The following CLEC4D variants were observed in gnomAD, a reference collection of about 807,000 sequenced individuals.
CLEC4D encodes the protein C-type (calcium dependent, carbohydrate-recognition domain) lectin, superfamily member 8.
In CLEC4D, 21 loss-of-function variants were observed where a neutral mutation model predicts 21.1. That is an observed-to-expected ratio of 1.00 (90% confidence interval 0.71 to 1.43). CLEC4D has a LOEUF of 1.43. CLEC4D is among the 40% of genes most tolerant of loss of function. The probability of loss-of-function intolerance (pLI) is 0.00; values close to 1 mark genes in which losing one functional copy is unlikely to be tolerated. For missense variants in CLEC4D, 289 were observed against 260.7 expected (o/e 1.11, Z -0.75); for synonymous variants, 85 against 83.1 (o/e 1.02, Z -0.12).
At chr12:8,529,982 A>G in the CLEC4D span, among the ~76,000 whole-genome samples, 5 of 152,354 alleles carry the variant, frequency 3.3e-5, no homozygotes, top group African/African-American at 1.2e-4. Flanking sequence ...AGAAGTGGGC[A>G]GGAAACAGCT....
rs767169681 is a variant in CLEC4D at position 8,521,293 on chromosome 12, T to C, written c.*22T>C. The C allele has an allele frequency of 1.3e-6, 2 of 1,591,910 alleles. No homozygotes were observed. Among genetic ancestry groups the C allele is most frequent in the East Asian group, 4.5e-5 (2 of 44,698 alleles). ...CTAGAAACTCAGAAAGTGGTCCTTG[T>C]GATGGAAAGAGAAAAGAAAAACCAA... is the stretch of plus-strand genomic sequence containing the variant. On this transcript the variant is annotated 3_prime_UTR_variant, in exon 6 of 6. Coordinates refer to ENST00000299665, the MANE Select transcript of CLEC4D (RefSeq NM_080387.5).
At chr12:8,515,697 T>G (rs920050970) in intron 2 of CLEC4D, among the ~76,000 whole-genome samples, 2 of 152,120 alleles carry the variant, frequency 1.3e-5, no homozygotes, top group African/African-American at 4.8e-5. Context: ...TTGGAAGAAT[T>G]GTTCTCTCTC....
intron 1 of CLEC4D, among the ~76,000 whole-genome samples, chr12:8,514,710 G>A (rs1027108155): frequency 6.6e-6 from 1 of 152,200 alleles, no homozygotes; most frequent in African/African-American, 2.4e-5. Flanking sequence ...AATCTGATGT[G>A]TGAAAAGTTA....
At chr12:8,529,127 A>G in the CLEC4D span, among the ~76,000 whole-genome samples, 1 of 152,308 alleles carries the variant, frequency 6.6e-6, no homozygotes, top group African/African-American at 2.4e-5. Flanking sequence ...AACACTTAGC[A>G]AAGTAATGGC....
Position 8,521,524 on chromosome 12 carries a change from A to G in CLEC4D, c.*253A>G. On this transcript the variant is annotated 3_prime_UTR_variant, in exon 6 of 6. Coordinates refer to ENST00000299665, the MANE Select transcript of CLEC4D (RefSeq NM_080387.5). ...AATCTTTCTTTGCTTTCTTAGTAGT[A>G]TTTCAAGGTGTTTACTTTTCAATTG... 1 of 632,866 alleles carries G rather than the reference A, an allele frequency of 1.6e-6. No individual in the cohort carries two copies. Among genetic ancestry groups the G allele is most frequent in the South Asian group, 4.2e-5 (1 of 24,022 alleles). 39.2% of individuals were successfully genotyped at this position (632,866 alleles called of 1,614,324 possible). A position where few individuals can be genotyped will look rare whatever the true frequency, so the allele number is the denominator to read the frequency against.
intron 4 of CLEC4D, among the ~76,000 whole-genome samples, chr12:8,519,998 AG>A (rs1940437472): frequency 1.3e-5 from 2 of 152,250 alleles, no homozygotes; most frequent in South Asian, 4.1e-4. Context: ...TAATCTTCCT[AG>A]TAACTCTATA....
chr12:8,518,393 G>T (rs1428740521), intron 3 of CLEC4D, 119 bp downstream of exon 3: 5 of 581,374 alleles, frequency 8.6e-6, no homozygotes, highest in Non-Finnish European at 1.6e-5. Flanking sequence ...TGAGAATCTG[G>T]CATCGGAGTA....
the CLEC4D span, among the ~76,000 whole-genome samples, chr12:8,528,171 CATGA>C: frequency 1.3e-5 from 2 of 152,162 alleles, no homozygotes; most frequent in Non-Finnish European, 2.9e-5. Context: ...GTTCTATCCT[CATGA>C]ATGAATTAAC....
At chr12:8,515,828 A>C (rs1469161673) in intron 2 of CLEC4D, among the ~76,000 whole-genome samples, 1 of 152,114 alleles carries the variant, frequency 6.6e-6, no homozygotes, top group East Asian at 1.9e-4. Context: ...ATTAGTATAC[A>C]CCCTTGAAAC....
chr12:8,517,414 A>T (rs1248166009), intron 2 of CLEC4D, among the ~76,000 whole-genome samples: 1 of 152,000 alleles, frequency 6.6e-6, no homozygotes, highest in African/African-American at 2.4e-5. Flanking sequence ...TCATCAGTTA[A>T]CATTAGGCAT....
At chr12:8,529,311 G>T in the CLEC4D span, among the ~76,000 whole-genome samples, 1 of 152,082 alleles carries the variant, frequency 6.6e-6, no homozygotes, top group South Asian at 2.1e-4. Context: ...TACGCAGAAA[G>T]CTAGATAAAT....
chr12:8,521,005 C>T (rs983605246), intron 5 of CLEC4D, 119 bp from the exon 6 acceptor site: 5 of 1,324,774 alleles, frequency 3.8e-6, no homozygotes, highest in South Asian at 1.7e-5. Flanking sequence ...CAGTTCTAAA[C>T]TGTTCACTAG....
At position 8,518,167 on chromosome 12, in the gene CLEC4D, C is replaced by G; in HGVS notation, c.125C>G (p.Thr42Ser). ...AACTTGCTTTTATCCTTGACAGTGA[C>G]TCATCACAACTTTTCACGCTGTAAG... ...SVCFIASCLV[T>S]HHNFSRCKRG... The change falls in exon 3 of 6, where the codon ACT (threonine) becomes AGT (serine). Residue 42 changes from threonine to serine, a missense_variant. Thr to Ser is a moderately conservative substitution (Grantham distance 58). Transcript: ENST00000299665. 1 of 1,134,400 alleles carries G rather than the reference C, an allele frequency of 8.8e-7. No individual in the cohort carries two copies. Among genetic ancestry groups the G allele is most frequent in the Non-Finnish European group, 1.3e-6 (1 of 743,012 alleles). 70.3% of individuals were successfully genotyped at this position (1,134,400 alleles called of 1,614,324 possible).
chr12:8,519,370 C>T (rs1304627040), intron 4 of CLEC4D, among the ~76,000 whole-genome samples: 2 of 152,162 alleles, frequency 1.3e-5, no homozygotes, highest in African/African-American at 4.8e-5. Context: ...CAGAAAGCTA[C>T]CCTAACTACC....
At chr12:8,520,178 C>T (rs1940439722) in intron 4 of CLEC4D, 48 bp from the exon 5 acceptor site, 1 of 1,601,156 alleles carries the variant, frequency 6.2e-7, no homozygotes, top group South Asian at 1.1e-5. Flanking sequence ...AACATCATAG[C>T]CATCACCTGA....
rs887578727 is a variant in CLEC4D, at chr12:8,521,865, T to C, written c.*594T>C. ...CAGATAGAAAAAAAGTCCAAATGCCTTTAAAAATTTACTTCTTACTCCACC... is the reference window on the plus strand; with the variant it reads ...CAGATAGAAAAAAAGTCCAAATGCCCTTAAAAATTTACTTCTTACTCCACC... On this transcript the variant is annotated 3_prime_UTR_variant, in exon 6 of 6. Transcript: ENST00000299665. 1.3e-5 allele frequency: 2 copies of C among 152,186 alleles called. No homozygotes were observed. The highest frequency in any genetic ancestry group is 2.9e-5 in the Non-Finnish European group (2 of 68,016). 9.4% of individuals were successfully genotyped at this position (152,186 alleles called of 1,614,324 possible).
At chr12:8,524,695 T>C (rs1248041829), downstream of CLEC4D, among the ~76,000 whole-genome samples, 1 of 152,174 alleles carries the variant, frequency 6.6e-6, no homozygotes, top group Non-Finnish European at 1.5e-5. Flanking sequence ...GTCTCTATTC[T>C]CCTTCGGCTC....
intron 1 of CLEC4D, among the ~76,000 whole-genome samples, chr12:8,514,743 G>T (rs1012064582): frequency 1.3e-5 from 2 of 152,206 alleles, no homozygotes; most frequent in African/African-American, 4.8e-5. Flanking sequence ...TTCGTTTACA[G>T]TTCCCTGATT....
chr12:8,518,277 A>G lies in CLEC4D; in HGVS notation c.232+3A>G, dbSNP rs368698206. The G allele has an allele frequency of 2.9e-5, 30 of 1,028,734 alleles. No individual in the cohort carries two copies. Among genetic ancestry groups the G allele is most frequent in the Middle Eastern group, 4.0e-4 (2 of 4,970 alleles). 63.7% of individuals were successfully genotyped at this position (1,028,734 alleles called of 1,614,324 possible). A position where few individuals can be genotyped will look rare whatever the true frequency, so the allele number is the denominator to read the frequency against. ...ATCAGAACTGAAAAGTGCTGAAGGT[A>G]CAGAGTGTAAGATAATTTCTTTTTT... On this transcript the variant is annotated splice_donor_region_variant and intron_variant, in intron 3 of 5. Transcript: ENST00000299665.
Sources: allele counts gnomAD v4.1 joint callset (sites outside exome capture counted in the v4.1 genomes callset), GRCh38; gene constraint gnomAD v4.1.1; transcripts MANE v1.5; gene names NCBI Gene and HGNC (gene_info 2026-07-23, HGNC 2026-07-21).